CTNNA3: variants seen among roughly 807,000 people sequenced by gnomAD.
CTNNA3 encodes the protein catenin alpha 3, also known as catenin alpha-3.
Under a neutral mutation model 95.7 loss-of-function variants are expected in CTNNA3, and 76 were observed. The ratio of observed to expected loss-of-function variants is 0.79; its 90% CI spans 0.66 to 0.96. The LOEUF is 0.96. Ranked by LOEUF, CTNNA3 falls within the 40% of genes least tolerant of loss-of-function variation. The probability of loss-of-function intolerance (pLI) is 0.00; values close to 1 mark genes in which losing one functional copy is unlikely to be tolerated. For synonymous variants in CTNNA3, 431 were observed against 374.4 expected, an observed-to-expected ratio of 1.15 and a Z score of -1.74; for missense variants, 1,191 against 1,089.8, an observed-to-expected ratio of 1.09 and a Z score of -1.31.
intron 7 of CTNNA3, among the ~76,000 whole-genome samples, chr10:67,039,651 A>C (rs1854274881): frequency 6.6e-6 from 1 of 152,134 alleles, no homozygotes; most frequent in Admixed American, 6.6e-5. Flanking sequence ...GACCAGAAAA[A>C]TTAAAAATCA....
intron 8 of CTNNA3, among the ~76,000 whole-genome samples, chr10:66,766,768 T>C (rs912658071): frequency 1.1e-4 from 16 of 152,204 alleles, no homozygotes; most frequent in African/African-American, 3.9e-4. Flanking sequence ...ACATCTTGTA[T>C]TTTTATAATT....
chr10:66,261,702 C>T lies in CTNNA3; in HGVS notation c.1884+18768G>A, dbSNP rs188848097. 2.4e-3 allele frequency among the ~76,000 whole-genome samples: 363 copies of T among 152,124 alleles called. 2 individuals are homozygous for T. The Middle Eastern group carries it at 0.051, about 21-fold the overall frequency. On this transcript the variant is annotated intron_variant, in intron 13 of 17. Coordinates refer to ENST00000433211, the MANE Select transcript of CTNNA3 (RefSeq NM_013266.4). Reference sequence around the variant, plus strand: ...TTCCCACTGTTCTTATAGATAGAATCTCTGACATCAGAATCATAAGGCTTT... The same window carrying T: ...TTCCCACTGTTCTTATAGATAGAATTTCTGACATCAGAATCATAAGGCTTT...
At chr10:67,691,984 G>T (rs1008484070) in intron 1 of CTNNA3, among the ~76,000 whole-genome samples, 1 of 149,862 alleles carries the variant, frequency 6.7e-6, no homozygotes. Context: ...CATCCGGGAA[G>T]TGAGGGGCGC....
chr10:67,562,291 A>C (rs1028104967), intron 3 of CTNNA3, among the ~76,000 whole-genome samples: 2 of 152,178 alleles, frequency 1.3e-5, no homozygotes, highest in Non-Finnish European at 2.9e-5. Context: ...CTTATCCACC[A>C]TGATCAAGTG....
intron 7 of CTNNA3, among the ~76,000 whole-genome samples, chr10:66,793,586 G>C (rs1589260948): frequency 6.6e-6 from 1 of 151,852 alleles, no homozygotes; most frequent in Admixed American, 6.6e-5. Context: ...ATTTTATCTA[G>C]TTTAGTAGCC....
At chr10:67,147,962 G>T (rs886789664) in intron 7 of CTNNA3, among the ~76,000 whole-genome samples, 8 of 152,026 alleles carry the variant, frequency 5.3e-5, no homozygotes, top group Admixed American at 2.0e-4. Flanking sequence ...CAGAATAAAA[G>T]CAGAAATTAA....
chr10:67,356,070 C>T (rs2132657059), intron 5 of CTNNA3, among the ~76,000 whole-genome samples: 1 of 152,164 alleles, frequency 6.6e-6, no homozygotes, highest in Middle Eastern at 3.4e-3. Context: ...TTTTCCCTCA[C>T]TACTAGGTCT....
chr10:66,463,885 A>AT, intron 11 of CTNNA3, among the ~76,000 whole-genome samples: 1 of 140,356 alleles, frequency 7.1e-6, no homozygotes, highest in African/African-American at 2.6e-5. Flanking sequence ...GTCACTTTCC[A>AT]ATTTTTTTTT....
intron 9 of CTNNA3, among the ~76,000 whole-genome samples, chr10:66,759,443 C>G (rs1839513613): frequency 6.6e-6 from 1 of 152,152 alleles, no homozygotes; most frequent in Non-Finnish European, 1.5e-5. Context: ...TTGTTGTCCA[C>G]ATTTCAAGAT....
chr10:66,631,166 C>T (rs955836537), intron 9 of CTNNA3, among the ~76,000 whole-genome samples: 4 of 152,132 alleles, frequency 2.6e-5, no homozygotes, highest in South Asian at 2.1e-4. Flanking sequence ...TCACACAATC[C>T]GGTCTCTGAT....
intron 13 of CTNNA3, among the ~76,000 whole-genome samples, chr10:66,171,642 A>G (rs949227187): frequency 4.6e-5 from 7 of 152,214 alleles, no homozygotes; most frequent in African/African-American, 1.7e-4. Flanking sequence ...CTGCTTGGCA[A>G]AGCTTCTAGA....
intron 9 of CTNNA3, among the ~76,000 whole-genome samples, chr10:66,692,004 GA>G (rs1847564117): frequency 6.6e-6 from 1 of 152,008 alleles, no homozygotes; most frequent in Admixed American, 6.5e-5. Flanking sequence ...AAACCACAAA[GA>G]CAGGGAAAAA....
At chr10:66,305,115 A>G (rs2091914844) in intron 12 of CTNNA3, among the ~76,000 whole-genome samples, 1 of 152,056 alleles carries the variant, frequency 6.6e-6, no homozygotes, top group East Asian at 1.9e-4. Flanking sequence ...GATTTCGGCT[A>G]GCCAAGTTAA....
chr10:65,946,576 C>T (rs1466199812), intron 17 of CTNNA3, among the ~76,000 whole-genome samples: 1 of 152,128 alleles, frequency 6.6e-6, no homozygotes, highest in African/African-American at 2.4e-5. Context: ...ATTCTTAGAA[C>T]ATTTATATTT....
intron 2 of CTNNA3, among the ~76,000 whole-genome samples, chr10:67,619,188 G>A (rs1843749282): frequency 6.6e-6 from 1 of 152,138 alleles, no homozygotes. Context: ...TGTGAAGCTG[G>A]AGGCATCATA....
intron 13 of CTNNA3, among the ~76,000 whole-genome samples, chr10:66,217,423 T>G (rs113574422): frequency 2.0e-3 from 309 of 152,142 alleles, no homozygotes; most frequent in Admixed American, 5.0e-3. Context: ...TAACTTTGTG[T>G]AATACCTTTG....
intron 12 of CTNNA3, among the ~76,000 whole-genome samples, chr10:66,313,384 C>G (rs1460744839): frequency 6.6e-6 from 1 of 152,188 alleles, no homozygotes; most frequent in African/African-American, 2.4e-5. Flanking sequence ...GGTTTGTCCA[C>G]TTTGCCAATA....
chr10:66,101,456 C>T (rs1036363452), intron 14 of CTNNA3, among the ~76,000 whole-genome samples: 1 of 152,116 alleles, frequency 6.6e-6, no homozygotes, highest in African/African-American at 2.4e-5. Flanking sequence ...TGATAAAACA[C>T]AGGTTTTATT....
intron 12 of CTNNA3, among the ~76,000 whole-genome samples, chr10:66,350,999 A>G (rs2092562807): frequency 6.6e-6 from 1 of 152,152 alleles, no homozygotes; most frequent in Middle Eastern, 3.4e-3. Flanking sequence ...GTAAACATAA[A>G]TTAATATACT....
Sources: allele counts gnomAD v4.1 joint callset (sites outside exome capture counted in the v4.1 genomes callset), GRCh38; gene constraint gnomAD v4.1.1; transcripts MANE v1.5; gene names NCBI Gene and HGNC (gene_info 2026-07-23, HGNC 2026-07-21).